ARAP1: variants seen among roughly 807,000 people sequenced by gnomAD.
ARAP1 encodes arf-GAP with Rho-GAP domain, ANK repeat and PH domain-containing protein 1.
Under a neutral mutation model 172.2 loss-of-function variants are expected in ARAP1, and 76 were observed. That is an observed-to-expected ratio of 0.44 (90% CI 0.37 to 0.53). The LOEUF (loss-of-function observed/expected upper bound fraction) is 0.53, where lower values mean the gene tolerates loss of function less well. Ranked by LOEUF, ARAP1 falls within the 20% of genes least tolerant of loss-of-function variation. The pLI, the probability that ARAP1 is intolerant of heterozygous loss-of-function variation, is 0.00. For synonymous variants in ARAP1, 804 were observed against 803.3 expected (o/e 1.00, Z -0.01); for missense variants, 1,686 against 1,977.5 (o/e 0.85, Z 2.80).
At position 72,687,704 on chromosome 11, in the gene ARAP1, G is replaced by C; in HGVS notation, c.4105C>G (p.His1369Asp). The change falls in exon 32 of 35, where the codon CAT (histidine) becomes GAT (aspartate). Residue 1369 changes from histidine (H) to aspartate (D), a missense_variant. This residue lies in a region of ARAP1 where 379 missense variants were observed against 500.1 expected (regional missense o/e 0.76). Transcript: ENST00000393609. ...GFTVVHETEKHEKQQWYLCCD... is the reference protein window; with the variant it reads ...GFTVVHETEKDEKQQWYLCCD... ...CTCACTCACCACTGCTGCTTCTCAT[G>C]TTTCTCTGTCTCATGCACCACTGTG... The C allele has an allele frequency of 6.2e-7, 1 of 1,614,180 alleles. No individual in the cohort carries two copies.
Position 72,726,836 on chromosome 11 carries a change from G to T in ARAP1, c.293C>A (p.Pro98Gln). The T allele has an allele frequency of 6.4e-7, 1 of 1,560,860 alleles. No homozygotes were observed. Among genetic ancestry groups the T allele is most frequent in the Admixed American group, 1.9e-5 (1 of 52,180 alleles). The change falls in exon 3 of 35, where the codon CCA (proline) becomes CAA (glutamine). Residue 98 changes from proline to glutamine, a missense_variant. Physicochemically the swap from Pro to Gln is moderately conservative, Grantham distance 76. Around this residue, in one of 5 missense-constraint regions of ARAP1, gnomAD observed 190 missense variants for 228.6 expected, o/e 0.83. Transcript: ENST00000393609. The surrounding 1 kb of genome is among the most constrained non-coding windows in gnomAD (Gnocchi z 6.5). ...TGTAGTGGTGGGCAGCGGCTCGGGT[G>T]GAGTGGCAGGCACAGGTGGTGAGCG... ...IFRSPPVPATPPEPLPTTTED... is the reference protein window; with the variant it reads ...IFRSPPVPATQPEPLPTTTED...
intron 30 of ARAP1, among the ~76,000 whole-genome samples, chr11:72,690,873 T>C (rs1855906427): frequency 1.3e-5 from 2 of 152,224 alleles, no homozygotes; most frequent in Admixed American, 6.5e-5. Flanking sequence ...AGTGGACATA[T>C]ATCCTACTGA....
intron 15 of ARAP1, among the ~76,000 whole-genome samples, chr11:72,702,620 C>CG (rs1465118842): frequency 2.0e-5 from 3 of 152,196 alleles, no homozygotes; most frequent in African/African-American, 7.2e-5. Context: ...AACACAAATC[C>CG]GGGGGGCTCA....
Position 72,711,096 on chromosome 11 carries a change from C to T in ARAP1, c.1138G>A (p.Val380Met), listed in dbSNP as rs1856993310. 3.7e-6 allele frequency: 6 copies of T among 1,614,226 alleles called. No individual in the cohort carries two copies. Among genetic ancestry groups the T allele is most frequent in the Admixed American group, 1.7e-5 (1 of 60,028 alleles). ...AACTTCTGGTCCCCGATGGCAGCCACGTGGGAGATGCAGGCCACAGAGATA... is the reference window on the plus strand; with the variant it reads ...AACTTCTGGTCCCCGATGGCAGCCATGTGGGAGATGCAGGCCACAGAGATA... ...RFISVACISH[V>M]AAIGDQKFEV... Residue 380 changes from valine to methionine, a missense_variant, in exon 9 of 35, where the codon GTG becomes ATG. Physicochemically the swap from Val to Met is conservative, Grantham distance 21. Transcript: ENST00000393609.
intron 14 of ARAP1, 75 bp downstream of exon 14, chr11:72,704,077 T>G: frequency 1.3e-6 from 2 of 1,586,966 alleles, no homozygotes; most frequent in Non-Finnish European, 1.7e-6. Context: ...TGAGATGGGT[T>G]AAGACAGCAT....
chr11:72,699,492 C>G lies in ARAP1; in HGVS notation c.2363G>C (p.Arg788Pro), dbSNP rs776178435. The change falls in exon 17 of 35, where the codon CGG becomes CCG. Residue 788 changes from arginine (R) to proline (P), a missense_variant. Arg to Pro is a moderately radical substitution (Grantham distance 103). Transcript: ENST00000393609. This position sits in a 1 kb window ranked among gnomAD's most constrained non-coding sequence, Gnocchi z 4.2. ...AATCTCTCCATTGGGGGTCACTGCC[C>G]GCTCATTCTCAAAGTAGCTCAGGAC... Reference protein sequence around the residue: ...DGVLSYFENERAVTPNGEIRA... With the variant: ...DGVLSYFENEPAVTPNGEIRA... The G allele has an allele frequency of 6.2e-7, 1 of 1,613,860 alleles. No individual in the cohort carries two copies. Among genetic ancestry groups the G allele is most frequent in the Non-Finnish European group, 8.5e-7 (1 of 1,179,988 alleles).
In ARAP1 at chr11:72,752,347, C is replaced by CACGCGG. The variant is rs1311106464; in HGVS notation, c.-153_-148dup. 6.6e-6 allele frequency: 1 copy of CACGCGG among 152,344 alleles called. No homozygotes were observed. Among genetic ancestry groups the CACGCGG allele is most frequent in the Non-Finnish European group, 1.5e-5 (1 of 68,116 alleles). The allele number at this position is 152,344 out of a possible 1,614,324, so 9.4% of individuals were successfully genotyped here. On this transcript the variant is annotated 5_prime_UTR_variant, in exon 1 of 35. Coordinates refer to ENST00000393609, the MANE Select transcript of ARAP1 (RefSeq NM_001040118.3). ...ACTGACCTGTTTTGAGTAAAGACTCCACGCGGGGACCAGGCGTACCGGCGC... is the reference window on the plus strand; with the variant it reads ...ACTGACCTGTTTTGAGTAAAGACTCCACGCGGACGCGGGGACCAGGCGTACCGGCGC...
chr11:72,729,054 A>T (rs1398329883), intron 2 of ARAP1, among the ~76,000 whole-genome samples: 1 of 152,244 alleles, frequency 6.6e-6, no homozygotes, highest in Non-Finnish European at 1.5e-5. Context: ...AATGATTAAA[A>T]CAGTATATGG....
intron 30 of ARAP1, among the ~76,000 whole-genome samples, chr11:72,692,363 A>G (rs1855976959): frequency 6.6e-6 from 1 of 152,168 alleles, no homozygotes; most frequent in Non-Finnish European, 1.5e-5. Flanking sequence ...GGATCAGGGC[A>G]GTAGCAAGAA....
chr11:72,735,197 G>A (rs1036235881), intron 1 of ARAP1, among the ~76,000 whole-genome samples: 19 of 152,028 alleles, frequency 1.2e-4, no homozygotes, highest in Non-Finnish European at 2.6e-4. Context: ...GCCCAGGCTG[G>A]TCTTGAGCTC....
chr11:72,734,085 C>G (rs762071222), intron 1 of ARAP1, among the ~76,000 whole-genome samples: 1 of 152,096 alleles, frequency 6.6e-6, no homozygotes, highest in African/African-American at 2.4e-5. Flanking sequence ...CTCAGCCCCC[C>G]CAGTTGCTAG....
intron 11 of ARAP1, 43 bp from the exon 12 acceptor site, chr11:72,707,417 A>G: frequency 1.3e-6 from 2 of 1,563,210 alleles, no homozygotes; most frequent in Non-Finnish European, 1.7e-6. Context: ...ATGGACTCAG[A>G]GGGATTTGGG....
chr11:72,710,982 C>T lies in ARAP1; in HGVS notation c.1213+39G>A. On this transcript the variant is annotated intron_variant, in intron 9 of 34. Coordinates refer to ENST00000393609, the MANE Select transcript of ARAP1 (RefSeq NM_001040118.3). The surrounding 1 kb of genome is among the most constrained non-coding windows in gnomAD (Gnocchi z 4.3). ...TGCCCAAACTTCCAGTCTTCTCTAC[C>T]CTCTTCTACACACACACACAACACC... 3.1e-6 allele frequency: 5 copies of T among 1,612,278 alleles called. No individual in the cohort carries two copies. The highest frequency in any genetic ancestry group is 4.2e-6 in the Non-Finnish European group (5 of 1,178,936).
intron 1 of ARAP1, among the ~76,000 whole-genome samples, chr11:72,742,622 C>G (rs994373781): frequency 6.6e-6 from 1 of 152,186 alleles, no homozygotes; most frequent in African/African-American, 2.4e-5. Flanking sequence ...GTCCAGACAA[C>G]AGGAAGTCAT....
At chr11:72,700,820 A>G (rs1288894179) in intron 16 of ARAP1, among the ~76,000 whole-genome samples, 1 of 152,200 alleles carries the variant, frequency 6.6e-6, no homozygotes, top group Non-Finnish European at 1.5e-5. Flanking sequence ...CCTGACCAAC[A>G]TGGTGAAACC....
intron 16 of ARAP1, among the ~76,000 whole-genome samples, chr11:72,700,790 G>A (rs892116053): frequency 6.6e-6 from 1 of 152,234 alleles, no homozygotes. Flanking sequence ...GATCACCTGA[G>A]GTCGGGAGTT....
At position 72,693,592 on chromosome 11, in the gene ARAP1, C is replaced by T; in HGVS notation, c.3808+100G>A. On this transcript the variant is annotated intron_variant, in intron 28 of 34. Coordinates refer to ENST00000393609, the MANE Select transcript of ARAP1 (RefSeq NM_001040118.3). The surrounding 1 kb of genome is among the most constrained non-coding windows in gnomAD (Gnocchi z 4.6). ...TCCATAGAGGCCCACCCACTTGGCG[C>T]CCTCTGTCTGAGCTGTTCCTACCTG... is the stretch of plus-strand genomic sequence containing the variant. 1 of 1,530,024 alleles carries T rather than the reference C, an allele frequency of 6.5e-7. No homozygotes were observed. Among genetic ancestry groups the T allele is most frequent in the Admixed American group, 1.9e-5 (1 of 51,850 alleles). 94.8% of individuals were successfully genotyped at this position (1,530,024 alleles called of 1,614,324 possible). A position where few individuals can be genotyped will look rare whatever the true frequency, so the allele number is the denominator to read the frequency against.
At chr11:72,692,626 G>C (rs1228005823) in intron 30 of ARAP1, 127 bp downstream of exon 30, 17 of 1,275,642 alleles carry the variant, frequency 1.3e-5, no homozygotes, top group Admixed American at 1.8e-5. Context: ...CAGTGCCAAC[G>C]GGCAAGGGGG....
At chr11:72,697,787 G>A (rs999453399) in intron 19 of ARAP1, 124 bp downstream of exon 19, 2 of 1,501,248 alleles carry the variant, frequency 1.3e-6, no homozygotes, top group African/African-American at 1.4e-5. Context: ...CCAAGGACAT[G>A]AGAGGGCAGG....
Sources: gnomAD v4.1 joint callset for allele counts (sites outside exome capture counted in the v4.1 genomes callset) on GRCh38, gnomAD v4.1.1 for gene constraint, gnomAD v4.1.1 regional missense constraint, Gnocchi (gnomAD v3.1) non-coding constraint, MANE v1.5 for transcripts, NCBI Gene and HGNC (gene_info 2026-07-23, HGNC 2026-07-21) for gene names.